Variants in TMBIM4 observed in about 807,000 individuals in gnomAD.
The protein encoded by TMBIM4 is transmembrane BAX inhibitor motif containing 4, also known as protein lifeguard 4.
In TMBIM4, 28 loss-of-function variants were observed where a neutral mutation model predicts 27.7. That is an observed-to-expected ratio of 1.01 (90% CI 0.75 to 1.38). The LOEUF is 1.38. Among genes scored for constraint, TMBIM4 ranks in the 40% most tolerant of loss-of-function variants. The pLI is 0.00. For synonymous variants in TMBIM4, 115 were observed against 113.1 expected (o/e 1.02, Z -0.11); for missense variants, 265 against 277.5 (o/e 0.95, Z 0.32).
At chr12:66,155,758 T>C (rs2051925548) in intron 1 of TMBIM4, among the ~76,000 whole-genome samples, 1 of 152,302 alleles carries the variant, frequency 6.6e-6, no homozygotes, top group Middle Eastern at 3.4e-3. Context: ...GTAAAACTGA[T>C]TTACAGTTCA....
intron 1 of TMBIM4, among the ~76,000 whole-genome samples, chr12:66,158,708 A>G (rs1331021497): frequency 6.6e-6 from 1 of 152,138 alleles, no homozygotes; most frequent in Admixed American, 6.5e-5. Flanking sequence ...GTCACTCAGC[A>G]GTCTCAGCCA....
intron 5 of TMBIM4, 77 bp from the exon 6 acceptor site, chr12:66,138,846 G>GA (rs2051620875): frequency 1.6e-5 from 22 of 1,361,696 alleles, no homozygotes; most frequent in Non-Finnish European, 2.0e-5. Flanking sequence ...AACACTTTCT[G>GA]AAAAAAACAT....
intron 1 of TMBIM4, chr12:66,160,407 T>C (rs1284868355): frequency 1.8e-6 from 1 of 570,624 alleles, no homozygotes; most frequent in Non-Finnish European, 3.1e-6. Flanking sequence ...TTTACAAAGA[T>C]ATAAAAGGAT....
chr12:66,169,713 G>T, intron 1 of TMBIM4, 142 bp downstream of exon 1: 1 of 584,688 alleles, frequency 1.7e-6, no homozygotes, highest in South Asian at 3.0e-5. Context: ...CTGGTACCCG[G>T]AGAAGGAGGG....
intron 4 of TMBIM4, among the ~76,000 whole-genome samples, chr12:66,147,574 C>T (rs1371897194): frequency 2.0e-5 from 3 of 152,148 alleles, no homozygotes; most frequent in African/African-American, 2.4e-5. Context: ...GATCAAAGTA[C>T]GTGGCTCAGA....
At chr12:66,166,442 G>C (rs1182375904) in intron 1 of TMBIM4, among the ~76,000 whole-genome samples, 1 of 131,884 alleles carries the variant, frequency 7.6e-6, no homozygotes, top group African/African-American at 3.0e-5. Context: ...TCCAGTCTGA[G>C]AGACAGAGTG....
chr12:66,160,005 G>A (rs576020256), intron 1 of TMBIM4, among the ~76,000 whole-genome samples: 81 of 152,370 alleles, frequency 5.3e-4, no homozygotes, highest in African/African-American at 1.8e-3. Context: ...AGTATGGCCC[G>A]TGGGCCAAAG....
chr12:66,167,195 A>G (rs1023826084), intron 1 of TMBIM4, among the ~76,000 whole-genome samples: 1 of 152,202 alleles, frequency 6.6e-6, no homozygotes, highest in African/African-American at 2.4e-5. Flanking sequence ...CATGTCATTA[A>G]ACATTTGTCA....
At chr12:66,158,362 C>A (rs375000387) in intron 1 of TMBIM4, among the ~76,000 whole-genome samples, 1 of 151,784 alleles carries the variant, frequency 6.6e-6, no homozygotes, top group Non-Finnish European at 1.5e-5. Flanking sequence ...ACATTCAGGC[C>A]GGGTGCAGTG....
At chr12:66,160,179 A>T (rs1004999596) in intron 1 of TMBIM4, 2 of 703,356 alleles carry the variant, frequency 2.8e-6, no homozygotes, top group Non-Finnish European at 5.2e-6. Context: ...CCCTTTGTAG[A>T]AAATGTTCAC....
At chr12:66,142,172 G>C (rs755117531) in intron 5 of TMBIM4, among the ~76,000 whole-genome samples, 4 of 151,944 alleles carry the variant, frequency 2.6e-5, no homozygotes, top group African/African-American at 4.8e-5. Context: ...ATGAAGGCAT[G>C]ATGAGAATCT....
At chr12:66,166,993 AG>A (rs1301254983) in intron 1 of TMBIM4, among the ~76,000 whole-genome samples, 1 of 152,256 alleles carries the variant, frequency 6.6e-6, no homozygotes, top group African/African-American at 2.4e-5. Flanking sequence ...AAAGACATGT[AG>A]AAAACCTTAA....
chr12:66,145,949 T>C lies in TMBIM4; in HGVS notation c.356A>G (p.Tyr119Cys). 1 of 1,529,102 alleles carries C rather than the reference T, an allele frequency of 6.5e-7. No individual in the cohort carries two copies. Among genetic ancestry groups the C allele is most frequent in the East Asian group, 2.3e-5 (1 of 44,336 alleles). The allele number at this position is 1,529,102 out of a possible 1,614,324, so 94.7% of individuals were successfully genotyped here. The change falls in exon 5 of 7, where the codon TAT becomes TGT. Residue 119 changes from tyrosine to cysteine, a missense_variant. Physicochemically the swap from Tyr to Cys is radical, Grantham distance 194. Coordinates refer to ENST00000358230, the MANE Select transcript of TMBIM4 (RefSeq NM_016056.4). ...ALTVAVVVTF[Y>C]DVYIILQAFI... is the part of the protein sequence containing the mutation. ...AGCTTGCAGAATAATATATACATCA[T>C]AGAAAGTAACTGTAAAATTAAAACA...
rs2052205062 is a variant in TMBIM4 at position 66,169,816 on chromosome 12, G to A, written c.97+39C>T. On this transcript the variant is annotated intron_variant, in intron 1 of 6. Transcript: ENST00000358230. ...CGGCTTCTAGAGGCCGAGCAGTGCA[G>A]ACAAGCGGCTGGGAGGCACTGGAGA... 5 of 1,471,960 alleles carry A rather than the reference G, an allele frequency of 3.4e-6. No homozygotes were observed. In the East Asian group the frequency reaches 1.4e-4, roughly 42 times the overall value. The allele number at this position is 1,471,960 out of a possible 1,614,324, so 91.2% of individuals were successfully genotyped here.
In TMBIM4 at chr12:66,153,410, C is replaced by G; in HGVS notation, c.136G>C (p.Val46Leu). ...GTTGAAGTCACTGTAGTTAAGAGAA[C>G]CTGCAGAGAAAGAATGCTGTAGACT... ...RKVYSILSLQ[V>L]LLTTVTSTVF... is the part of the protein sequence containing the mutation. The change falls in exon 2 of 7, where the codon GTT becomes CTT. Residue 46 changes from valine to leucine, a missense_variant. By Grantham distance (32) the Val-to-Leu change is conservative (BLOSUM62 1). Transcript: ENST00000358230. The G allele has an allele frequency of 6.3e-7, 1 of 1,599,436 alleles. No homozygotes were observed. Among genetic ancestry groups the G allele is most frequent in the Non-Finnish European group, 8.5e-7 (1 of 1,175,244 alleles).
At chr12:66,160,178 G>A (rs951007510) in intron 1 of TMBIM4, 3 of 703,312 alleles carry the variant, frequency 4.3e-6, no homozygotes, top group Non-Finnish European at 7.8e-6. Flanking sequence ...GCCCTTTGTA[G>A]AAAATGTTCA....
chr12:66,152,271 A>G lies in TMBIM4; in HGVS notation c.312T>C (p.Phe104=). ...YPLNLYLLFG[F]TLLEALTVAV... ...GAATAGAGAAAGTCAGAGTACTCAC[A>G]AATCCAAAAAGTAGGTACAGGTTAA... Residue 104 remains phenylalanine, a splice_region_variant and synonymous_variant, in exon 3 of 7, where the codon TTT becomes TTC. Transcript: ENST00000358230. The G allele has an allele frequency of 6.4e-7, 1 of 1,571,348 alleles. No individual in the cohort carries two copies. Among genetic ancestry groups the G allele is most frequent in the Non-Finnish European group, 8.7e-7 (1 of 1,154,886 alleles).
intron 1 of TMBIM4, among the ~76,000 whole-genome samples, chr12:66,168,588 C>T (rs1327689437): frequency 6.6e-6 from 1 of 152,098 alleles, no homozygotes; most frequent in East Asian, 1.9e-4. Flanking sequence ...TGAGTTTCAG[C>T]CAAAGATGGC....
At chr12:66,144,231 C>T (rs149181952) in intron 5 of TMBIM4, among the ~76,000 whole-genome samples, 1 of 152,240 alleles carries the variant, frequency 6.6e-6, no homozygotes, top group African/African-American at 2.4e-5. Flanking sequence ...TCCAGTACTA[C>T]AGCAAGTAAG....
Sources: gnomAD v4.1 joint callset for allele counts (sites outside exome capture counted in the v4.1 genomes callset) on GRCh38, gnomAD v4.1.1 for gene constraint, MANE v1.5 for transcripts, NCBI Gene and HGNC (gene_info 2026-07-23, HGNC 2026-07-21) for gene names.